The following ZPBP variants were observed in gnomAD, a reference collection of about 807,000 sequenced individuals.
ZPBP encodes the protein zona pellucida-binding protein 1.
ZPBP carries 26 observed loss-of-function variants against 44.8 expected under a neutral mutation model. The ratio of observed to expected loss-of-function variants is 0.58; its 90% confidence interval spans 0.43 to 0.81. The LOEUF is 0.81. Among genes scored for constraint, ZPBP ranks in the 30% least tolerant of loss-of-function variants. The pLI, the probability that ZPBP is intolerant of heterozygous loss-of-function variation, is 0.00. For missense variants in ZPBP, 409 were observed against 434.0 expected, an observed-to-expected ratio of 0.94 and a Z score of 0.51; for synonymous variants, 174 against 153.2, an observed-to-expected ratio of 1.14 and a Z score of -1.00.
chr7:49,956,473 A>G (rs1014038355), intron 7 of ZPBP, among the ~76,000 whole-genome samples: 1 of 152,114 alleles, frequency 6.6e-6, no homozygotes, highest in Non-Finnish European at 1.5e-5. Context: ...ACGAACAAAA[A>G]CTATTATGTT....
intron 1 of ZPBP, among the ~76,000 whole-genome samples, chr7:49,928,704 C>T (rs1035508167): frequency 6.6e-6 from 1 of 152,142 alleles, no homozygotes; most frequent in African/African-American, 2.4e-5. Flanking sequence ...CCTGCTTGAG[C>T]CCAATCTTGT....
downstream of ZPBP, among the ~76,000 whole-genome samples, chr7:49,933,118 T>G (rs1053219362): frequency 2.0e-5 from 3 of 152,158 alleles, no homozygotes; most frequent in Non-Finnish European, 2.9e-5. Flanking sequence ...AGTGATAAAA[T>G]TATGTTAATG....
chr7:50,030,249 GGGA>G (rs1799543865), intron 5 of ZPBP, among the ~76,000 whole-genome samples: 1 of 152,046 alleles, frequency 6.6e-6, no homozygotes, highest in Non-Finnish European at 1.5e-5. Flanking sequence ...GGACAGGGAA[GGGA>G]AGGGGAATAG....
At chr7:49,911,229 A>G (rs1793403744) in intron 1 of ZPBP, among the ~76,000 whole-genome samples, 1 of 152,120 alleles carries the variant, frequency 6.6e-6, no homozygotes, top group African/African-American at 2.4e-5. Context: ...TACACCTGTA[A>G]TCCCAGCACT....
chr7:49,974,481 G>A (rs2128772102), intron 7 of ZPBP, among the ~76,000 whole-genome samples: 1 of 152,196 alleles, frequency 6.6e-6, no homozygotes, highest in Non-Finnish European at 1.5e-5. Flanking sequence ...AACTATAATG[G>A]TGAAATTTTG....
At chr7:49,842,089 AAC>A in the ZPBP span, among the ~76,000 whole-genome samples, 1 of 152,224 alleles carries the variant, frequency 6.6e-6, no homozygotes, top group South Asian at 2.1e-4. Context: ...GCTGGTCTTG[AAC>A]TCCTGACCTC....
At chr7:49,972,442 G>C (rs1389914699) in intron 7 of ZPBP, among the ~76,000 whole-genome samples, 1 of 151,916 alleles carries the variant, frequency 6.6e-6, no homozygotes, top group Non-Finnish European at 1.5e-5. Flanking sequence ...CTGTACATTA[G>C]CAATGAATAA....
chr7:50,007,536 T>C (rs141874368), intron 6 of ZPBP, among the ~76,000 whole-genome samples: 6 of 152,138 alleles, frequency 3.9e-5, no homozygotes, highest in Admixed American at 1.3e-4. Context: ...ACTCATTCTA[T>C]GAGGCCAATA....
At chr7:50,032,312 T>A (rs1799640224) in intron 4 of ZPBP, among the ~76,000 whole-genome samples, 1 of 152,154 alleles carries the variant, frequency 6.6e-6, no homozygotes, top group Non-Finnish European at 1.5e-5. Context: ...TATATACAAA[T>A]ATCACATAGA....
At chr7:49,978,782 A>C (rs146035785) in intron 7 of ZPBP, among the ~76,000 whole-genome samples, 3,072 of 152,060 alleles carry the variant, frequency 0.02, 257 homozygotes, top group Admixed American at 0.15. Context: ...TAATTTGTTA[A>C]ATCATTTTCT....
rs551038377 is a variant in ZPBP at position 49,873,662 on chromosome 7, A to G, written n.510-23148T>C. On this transcript the variant is annotated intron_variant and non_coding_transcript_variant, in intron 2 of 2. Transcript: ENST00000465922. ...TGTGCATAGCCAGGCATTATGCAGT[A>G]ATCATGAATTTTTGCTTGTGGGTTG... is the stretch of plus-strand genomic sequence containing the variant. 1.8e-4 allele frequency among the ~76,000 whole-genome samples: 28 copies of G among 152,202 alleles called. 1 individual carries two copies. The highest frequency in any genetic ancestry group is 1.3e-4 in the Non-Finnish European group (9 of 68,034).
chr7:49,898,199 T>A (rs964959656), intron 2 of ZPBP, among the ~76,000 whole-genome samples: 1 of 152,084 alleles, frequency 6.6e-6, no homozygotes, highest in African/African-American at 2.4e-5. Context: ...TGTGTATATA[T>A]GTATGCTTTA....
intron 1 of ZPBP, among the ~76,000 whole-genome samples, chr7:49,923,843 GCCGGGCATGTTGGCTCATGCCTATAATC>G (rs1235548880): frequency 9.2e-5 from 14 of 152,110 alleles, no homozygotes; most frequent in African/African-American, 3.4e-4. Context: ...AGGGTTATAG[GCCGGGCATGTTGGCTCATGCCTATAATC>G]CCAGCACTTT....
chr7:50,036,367 G>A (rs1254312704), intron 4 of ZPBP, among the ~76,000 whole-genome samples: 1 of 152,068 alleles, frequency 6.6e-6, no homozygotes, highest in East Asian at 1.9e-4. Context: ...GGCCAGGCTG[G>A]ACTTGAACTC....
chr7:49,995,561 C>T (rs778019090), intron 6 of ZPBP, among the ~76,000 whole-genome samples: 6 of 152,192 alleles, frequency 3.9e-5, no homozygotes, highest in African/African-American at 9.7e-5. Context: ...GAGATAAATG[C>T]GGATCACCAC....
chr7:50,043,130 C>T (rs1246082513), intron 4 of ZPBP, among the ~76,000 whole-genome samples: 2 of 152,210 alleles, frequency 1.3e-5, no homozygotes, highest in Non-Finnish European at 2.9e-5. Flanking sequence ...GGACTTGCTC[C>T]TTCTTCAGAT....
chr7:50,018,459 C>T (rs1396281), intron 5 of ZPBP, 143 bp from the exon 6 acceptor site: 499,291 of 615,334 alleles, frequency 0.81, 203,360 homozygotes, highest in East Asian at 0.91. Flanking sequence ...AATGACTCTT[C>T]AGCAAAAAAC....
At chr7:49,999,370 AT>A (rs1036934218) in intron 6 of ZPBP, among the ~76,000 whole-genome samples, 1 of 151,830 alleles carries the variant, frequency 6.6e-6, no homozygotes, top group Non-Finnish European at 1.5e-5. Context: ...TTATCCTGTG[AT>A]TTTTATGTGT....
intron 1 of ZPBP, among the ~76,000 whole-genome samples, chr7:49,925,524 T>G (rs1310170818): frequency 1.3e-5 from 2 of 152,240 alleles, no homozygotes; most frequent in Admixed American, 6.5e-5. Flanking sequence ...CTATGTGGGA[T>G]TCTGATGGAG....
Sources: gnomAD v4.1 joint callset for allele counts (sites outside exome capture counted in the v4.1 genomes callset) on GRCh38, gnomAD v4.1.1 for gene constraint, MANE v1.5 for transcripts, NCBI Gene and HGNC (gene_info 2026-07-23, HGNC 2026-07-21) for gene names.